ZNF469: variants seen among roughly 807,000 people sequenced by gnomAD.
ZNF469 encodes zinc finger protein 469.
Under a neutral mutation model 1.0 loss-of-function variants are expected in ZNF469, and 1 was observed. The observed-to-expected ratio is 1.00, with a 90% CI of 0.35 to 4.73. The LOEUF (loss-of-function observed/expected upper bound fraction) is 4.73. Among genes scored for constraint, ZNF469 ranks in the 30% most tolerant of loss-of-function variants. The pLI is 0.16. For synonymous variants in ZNF469, 2,703 were observed against 2,363.4 expected (o/e 1.14, Z -4.17); for missense variants, 6,100 against 5,356.3 (o/e 1.14, Z -4.33).
At chr16:88,250,510 A>G in the ZNF469 span, among the ~76,000 whole-genome samples, 1 of 152,104 alleles carries the variant, frequency 6.6e-6, no homozygotes, top group Non-Finnish European at 1.5e-5. Flanking sequence ...AGAACTGTAA[A>G]TTTATGTTTT....
the ZNF469 span, among the ~76,000 whole-genome samples, chr16:88,151,859 A>T: frequency 1.3e-5 from 2 of 152,240 alleles, no homozygotes; most frequent in Non-Finnish European, 2.9e-5. This position sits in a 1 kb window ranked among gnomAD's most constrained non-coding sequence, Gnocchi z 5.4. Flanking sequence ...CCCCGCATTC[A>T]TCACAGCAAA....
chr16:88,172,311 C>T, the ZNF469 span, among the ~76,000 whole-genome samples: 1 of 152,182 alleles, frequency 6.6e-6, no homozygotes, highest in African/African-American at 2.4e-5. Context: ...ATACTTGGAG[C>T]TCACACAGGG....
the ZNF469 span, among the ~76,000 whole-genome samples, chr16:88,329,829 G>A: frequency 2.6e-5 from 4 of 152,234 alleles, no homozygotes; most frequent in Admixed American, 1.3e-4. Flanking sequence ...GGATGCAGAC[G>A]CCTTCACAAG....
In ZNF469 at chr16:88,434,270, G is replaced by C; in HGVS notation, c.6800G>C (p.Arg2267Pro). ...GAGAAGCTGTGGGAGTCTCCTGGCC[G>C]AGCCACCTCTCCTCCTCTGGCAGGG... The part of the protein sequence containing the change: ...RKEKLWESPG[R>P]ATSPPLAGAV... The change falls in exon 3 of 3, where the codon CGA (arginine) becomes CCA (proline). Residue 2267 changes from arginine to proline, a missense_variant. Physicochemically the swap from Arg to Pro is moderately radical, Grantham distance 103 (BLOSUM62 -2). Coordinates refer to ENST00000565624, the MANE Select transcript of ZNF469 (RefSeq NM_001367624.2). 2 of 1,550,338 alleles carry C rather than the reference G, an allele frequency of 1.3e-6. No individual in the cohort carries two copies. The highest frequency in any genetic ancestry group is 2.4e-5 in the South Asian group (2 of 84,062).
chr16:88,252,302 C>A, the ZNF469 span, among the ~76,000 whole-genome samples: 3 of 150,244 alleles, frequency 2.0e-5, no homozygotes, highest in African/African-American at 7.3e-5. Context: ...GAGTTTCAAG[C>A]CAACTTTTCT....
At chr16:88,281,031 T>C in the ZNF469 span, among the ~76,000 whole-genome samples, 1 of 147,472 alleles carries the variant, frequency 6.8e-6, no homozygotes, top group South Asian at 2.2e-4. Flanking sequence ...TGCTGGGCCA[T>C]GCTGACGCTT....
chr16:88,398,556 A>G (rs62047068), intron 1 of ZNF469, among the ~76,000 whole-genome samples: 38,186 of 149,688 alleles, frequency 0.26, 5,361 homozygotes, highest in African/African-American at 0.39. Flanking sequence ...ACAGATGAAG[A>G]GAATGCGCGA....
At chr16:88,338,060 C>T in the ZNF469 span, among the ~76,000 whole-genome samples, 3 of 152,228 alleles carry the variant, frequency 2.0e-5, no homozygotes, top group Non-Finnish European at 4.4e-5. Flanking sequence ...AGTGCTGTCA[C>T]TTGGCCAGCG....
rs1288958811 is a variant in ZNF469 at position 88,432,721 on chromosome 16, A to G, written c.5251A>G (p.Lys1751Glu). 3.2e-6 allele frequency: 5 copies of G among 1,550,394 alleles called. No homozygotes were observed. Among genetic ancestry groups the G allele is most frequent in the Non-Finnish European group, 4.4e-6 (5 of 1,146,950 alleles). The change falls in exon 3 of 3, where the codon AAG becomes GAG. Residue 1751 changes from lysine (K) to glutamate (E), a missense_variant. Coordinates refer to ENST00000565624, the MANE Select transcript of ZNF469 (RefSeq NM_001367624.2). ...CSPDQELSFP[K>E]NKEAASSQES... is the part of the protein sequence containing the mutation. ...CCCCGACCAGGAACTTTCATTTCCT[A>G]AGAATAAGGAGGCCGCCAGCTCACA...
the ZNF469 span, among the ~76,000 whole-genome samples, chr16:88,136,996 AC>A: frequency 6.6e-6 from 1 of 152,372 alleles, no homozygotes; most frequent in Middle Eastern, 3.4e-3. Flanking sequence ...ATGTGCATGT[AC>A]AGTTGTGTGT....
chr16:88,413,873 G>A (rs1905239787), intron 1 of ZNF469, among the ~76,000 whole-genome samples: 1 of 152,202 alleles, frequency 6.6e-6, no homozygotes, highest in Admixed American at 6.5e-5. Flanking sequence ...TGAGTGTGGT[G>A]GCAGGTGCCA....
At chr16:88,298,768 C>G in the ZNF469 span, among the ~76,000 whole-genome samples, 1 of 152,156 alleles carries the variant, frequency 6.6e-6, no homozygotes, top group Admixed American at 6.5e-5. Context: ...CAGGAGCAAG[C>G]AGACGTGCAT....
At chr16:88,325,208 C>A in the ZNF469 span, among the ~76,000 whole-genome samples, 9 of 140,968 alleles carry the variant, frequency 6.4e-5, no homozygotes, top group Admixed American at 2.7e-4. Context: ...GTGGTCGCGA[C>A]AGCAGCTGTG....
At position 88,433,004 on chromosome 16, in the gene ZNF469, C is replaced by G. The variant is rs1402736643; in HGVS notation, c.5534C>G (p.Pro1845Arg). 1 of 1,550,418 alleles carries G rather than the reference C, an allele frequency of 6.4e-7. No individual in the cohort carries two copies. Among genetic ancestry groups the G allele is most frequent in the Non-Finnish European group, 8.7e-7 (1 of 1,146,988 alleles). ...GGCAGAGCAGGTGGGCACCTCCACC[C>G]CACGGCAGGGAGGCCTGGCTTTGAG... ...SAGRAGGHLH[P>R]TAGRPGFEGN... is the part of the protein sequence containing the mutation. Residue 1845 changes from proline (P) to arginine (R), a missense_variant, in exon 3 of 3, where the codon CCC (proline) becomes CGC (arginine). Transcript: ENST00000565624.
chr16:88,124,329 G>A, the ZNF469 span, among the ~76,000 whole-genome samples: 2 of 152,104 alleles, frequency 1.3e-5, no homozygotes, highest in Non-Finnish European at 2.9e-5. Context: ...CACCTTCTGG[G>A]CTCCTCCCAC....
the ZNF469 span, among the ~76,000 whole-genome samples, chr16:88,253,624 G>A: frequency 6.6e-6 from 1 of 150,892 alleles, no homozygotes; most frequent in African/African-American, 2.4e-5. Context: ...TGCAAACTCT[G>A]CCTCCAGGGT....
the ZNF469 span, among the ~76,000 whole-genome samples, chr16:88,250,829 G>A: frequency 6.6e-6 from 1 of 152,180 alleles, no homozygotes; most frequent in Admixed American, 6.5e-5. Flanking sequence ...ATCTGTTGTA[G>A]TTTCTGTTAC....
upstream of ZNF469, among the ~76,000 whole-genome samples, chr16:88,381,670 A>G (rs2142258145): frequency 6.6e-6 from 1 of 152,384 alleles, no homozygotes. Flanking sequence ...ATGCCATGGA[A>G]ATGTGAGCCA....
At chr16:88,208,914 A>G in the ZNF469 span, among the ~76,000 whole-genome samples, 1 of 151,094 alleles carries the variant, frequency 6.6e-6, no homozygotes, top group African/African-American at 2.4e-5. Context: ...CAGCAGGGCC[A>G]GGTCTGCCCT....
Sources: gnomAD v4.1 joint callset for allele counts (sites outside exome capture counted in the v4.1 genomes callset) on GRCh38, gnomAD v4.1.1 for gene constraint, Gnocchi (gnomAD v3.1) non-coding constraint, MANE v1.5 for transcripts, NCBI Gene and HGNC (gene_info 2026-07-23, HGNC 2026-07-21) for gene names.